Variants in CSGALNACT1 observed in about 807,000 individuals in gnomAD.
The protein encoded by CSGALNACT1 is chondroitin sulfate N-acetylgalactosaminyltransferase 1.
A neutral mutation model predicts 51.0 loss-of-function variants in CSGALNACT1; 52 were observed. That is an observed-to-expected ratio of 1.02 (90% confidence interval 0.82 to 1.29). The LOEUF (loss-of-function observed/expected upper bound fraction) is 1.29, where lower values mean the gene tolerates loss of function less well. Among genes scored for constraint, CSGALNACT1 ranks in the 50% most tolerant of loss-of-function variants. The pLI is 0.00. For missense variants in CSGALNACT1, 935 were observed against 679.2 expected (o/e 1.38, Z -4.19); for synonymous variants, 341 against 254.4 (o/e 1.34, Z -3.24).
chr8:19,602,033 G>A (rs954721231), exon 1 of CSGALNACT1: 32 of 329,124 alleles, frequency 9.7e-5, no homozygotes, highest in Admixed American at 3.2e-4. Flanking sequence ...CTGTTTCAAT[G>A]AATAAAATGC....
chr8:19,448,872 C>G lies in CSGALNACT1; in HGVS notation c.852-8941G>C, dbSNP rs563048516. ...GATGTTCCCAAACTCTATCTGTAGT[C>G]TTCTGTGGTTACAAGAAGAAATTCC... On this transcript the variant is annotated intron_variant, in intron 5 of 9. Coordinates refer to ENST00000454498, the Ensembl canonical transcript of CSGALNACT1. Among the ~76,000 whole-genome samples, 14 of 152,312 alleles carry G rather than the reference C, an allele frequency of 9.2e-5. No individual in the cohort carries two copies. The South Asian group carries it at 2.3e-3, about 25-fold the overall frequency.
intron 3 of CSGALNACT1, among the ~76,000 whole-genome samples, chr8:19,522,555 G>A (rs1052879769): frequency 3.9e-5 from 6 of 152,186 alleles, no homozygotes; most frequent in Non-Finnish European, 8.8e-5. Context: ...CTGGCACAGT[G>A]GAGGAGGACA....
chr8:19,626,575 T>C (rs1020412251), intron 1 of CSGALNACT1, among the ~76,000 whole-genome samples: 8 of 152,194 alleles, frequency 5.3e-5, no homozygotes, highest in Non-Finnish European at 2.9e-5. Flanking sequence ...ATCAGTAACA[T>C]AAAAATTTCA....
chr8:19,443,989 CGGTTCACAATAA>C (rs1228447120), intron 5 of CSGALNACT1, among the ~76,000 whole-genome samples: 1 of 152,166 alleles, frequency 6.6e-6, no homozygotes, highest in African/African-American at 2.4e-5. Flanking sequence ...CTTACATCTG[CGGTTCACAATAA>C]GGTTCACCCT....
At chr8:19,553,035 G>A (rs1157186581) in intron 3 of CSGALNACT1, among the ~76,000 whole-genome samples, 1 of 152,138 alleles carries the variant, frequency 6.6e-6, no homozygotes, top group Non-Finnish European at 1.5e-5. Flanking sequence ...TGATTTTTAT[G>A]TTATCGTTTT....
At chr8:19,665,170 C>T (rs779922729) in intron 1 of CSGALNACT1, among the ~76,000 whole-genome samples, 3 of 152,140 alleles carry the variant, frequency 2.0e-5, no homozygotes, top group Non-Finnish European at 4.4e-5. Context: ...TGTGCCACCA[C>T]GCTTGGCTAA....
In CSGALNACT1 at chr8:19,549,725, C is replaced by A. The variant is rs889795463; in HGVS notation, c.-297+41435G>T. Among the ~76,000 whole-genome samples the A allele has an allele frequency of 2.2e-5, 3 of 134,840 alleles. No individual in the cohort carries two copies. The East Asian group carries it at 6.6e-4, about 30-fold the overall frequency. The allele number at this position is 134,840 out of a possible 152,430, so 88.5% of individuals were successfully genotyped here. ...TCCAGAAACTTCCCAAGAAAGGGTGCAGAGGAGGCTAATTTTTGAGACCTT... is the reference window on the plus strand; with the variant it reads ...TCCAGAAACTTCCCAAGAAAGGGTGAAGAGGAGGCTAATTTTTGAGACCTT... On this transcript the variant is annotated intron_variant, in intron 3 of 9. Coordinates refer to ENST00000454498, the Ensembl canonical transcript of CSGALNACT1.
rs545168207 is a variant in CSGALNACT1, at chr8:19,465,566, C to T, written c.635-6924G>A. On this transcript the variant is annotated intron_variant, in intron 4 of 9. Transcript: ENST00000454498. ...TCTAGCAGTTTCTCACAGACACAGCCCATGCACATGTCTATGCTTCCACCT... is the reference window on the plus strand; with the variant it reads ...TCTAGCAGTTTCTCACAGACACAGCTCATGCACATGTCTATGCTTCCACCT... Among the ~76,000 whole-genome samples, 137 of 152,314 alleles carry T rather than the reference C, an allele frequency of 9.0e-4. No individual in the cohort carries two copies. In the South Asian group the frequency reaches 0.027, roughly 30 times the overall value.
In CSGALNACT1 at chr8:19,530,223, AAAACAAAAC is replaced by A. The variant is rs1377919052; in HGVS notation, c.-296-24102_-296-24094del. 3.2e-3 allele frequency among the ~76,000 whole-genome samples: 170 copies of A among 53,956 alleles called. 1 individual carries two copies. The highest frequency in any genetic ancestry group is 0.01 in the Middle Eastern group (1 of 98). 35.4% of individuals were successfully genotyped at this position (53,956 alleles called of 152,430 possible). ...GCAACAGAGCGAGACTCTGGCTGAAAAAACAAAACAAAACAAAACAAAACAAAACAAAAA... is the reference window on the plus strand; with the variant it reads ...GCAACAGAGCGAGACTCTGGCTGAAAAAAACAAAACAAAACAAAACAAAAA... On this transcript the variant is annotated intron_variant, in intron 3 of 9. Coordinates refer to ENST00000454498, the Ensembl canonical transcript of CSGALNACT1.
chr8:19,447,712 G>C (rs2062382016), intron 5 of CSGALNACT1, among the ~76,000 whole-genome samples: 1 of 152,184 alleles, frequency 6.6e-6, no homozygotes, highest in Admixed American at 6.5e-5. Flanking sequence ...CCACTGTCTT[G>C]ACGGAGAAAC....
upstream of CSGALNACT1, among the ~76,000 whole-genome samples, chr8:19,683,683 C>A (rs563067561): frequency 6.6e-5 from 10 of 152,224 alleles, 1 homozygote; most frequent in South Asian, 1.9e-3. Flanking sequence ...GATCTCAAGT[C>A]TTTCAAAATT....
chr8:19,536,267 C>T (rs1054246727), intron 3 of CSGALNACT1, among the ~76,000 whole-genome samples: 1 of 152,030 alleles, frequency 6.6e-6, no homozygotes, highest in African/African-American at 2.4e-5. Context: ...GCTACACATG[C>T]GTAAAGGCAA....
intron 5 of CSGALNACT1, among the ~76,000 whole-genome samples, chr8:19,442,044 T>C (rs904686921): frequency 7.9e-5 from 12 of 152,100 alleles, no homozygotes; most frequent in African/African-American, 1.7e-4. Context: ...GTTAGAATGG[T>C]GATCATTAAA....
chr8:19,476,152 C>T (rs539924907), intron 4 of CSGALNACT1, among the ~76,000 whole-genome samples: 1 of 152,212 alleles, frequency 6.6e-6, no homozygotes, highest in East Asian at 1.9e-4. Flanking sequence ...GGCCATTTTT[C>T]AGATGATAGT....
At chr8:19,682,460 C>T (rs2060690484) in intron 1 of CSGALNACT1, 1 of 342,846 alleles carries the variant, frequency 2.9e-6, no homozygotes, top group Non-Finnish European at 5.8e-6. Flanking sequence ...GGAAACTTCC[C>T]TCTGCCACTC....
At chr8:19,743,840 C>T (rs1358134662) in intron 1 of CSGALNACT1, among the ~76,000 whole-genome samples, 1 of 152,142 alleles carries the variant, frequency 6.6e-6, no homozygotes, top group Non-Finnish European at 1.5e-5. Flanking sequence ...TGATAAATTT[C>T]TCCACACATT....
At chr8:19,693,710 C>G (rs2061445458) in intron 1 of CSGALNACT1, among the ~76,000 whole-genome samples, 2 of 152,026 alleles carry the variant, frequency 1.3e-5, no homozygotes, top group South Asian at 4.2e-4. Flanking sequence ...CCAACTGTGC[C>G]CTGACACCAA....
rs144211947 is a variant in CSGALNACT1 at position 19,532,708 on chromosome 8, G to T, written c.-296-26578C>A. On this transcript the variant is annotated intron_variant, in intron 3 of 9. Transcript: ENST00000454498. The stretch of plus-strand genomic sequence containing the variant: ...AGTACTCAGATGGCAGAAGGTGCCT[G>T]AAGAGGTAGTGAGCTCTTCCTCATC... 5.5e-3 allele frequency among the ~76,000 whole-genome samples: 843 copies of T among 152,284 alleles called. 2 individuals are homozygous for T. Among genetic ancestry groups the T allele is most frequent in the Non-Finnish European group, 8.1e-3 (552 of 68,026 alleles).
intron 3 of CSGALNACT1, among the ~76,000 whole-genome samples, chr8:19,520,652 G>A (rs1286069633): frequency 2.6e-5 from 4 of 152,334 alleles, no homozygotes; most frequent in South Asian, 2.1e-4. Flanking sequence ...AAGTTTTACA[G>A]TTTAACACTG....
Sources: gnomAD v4.1 joint callset for allele counts (sites outside exome capture counted in the v4.1 genomes callset) on GRCh38, gnomAD v4.1.1 for gene constraint, MANE v1.5 for transcripts, NCBI Gene and HGNC (gene_info 2026-07-23, HGNC 2026-07-21) for gene names.